Variants in GRID1 observed in about 807,000 individuals in gnomAD.
GRID1 encodes the protein glutamate ionotropic receptor delta type subunit 1.
GRID1 carries 28 observed loss-of-function variants against 98.0 expected under a neutral mutation model. That is an observed-to-expected ratio of 0.29 (90% CI 0.21 to 0.39). The LOEUF (loss-of-function observed/expected upper bound fraction) is 0.39, where lower values mean the gene tolerates loss of function less well. GRID1 is among the 10% of genes least tolerant of loss of function. The probability of loss-of-function intolerance (pLI) is 1.00; values close to 1 mark genes in which losing one functional copy is unlikely to be tolerated. For synonymous variants in GRID1, 553 were observed against 538.5 expected (o/e 1.03, Z -0.37); for missense variants, 1,111 against 1,340.5 (o/e 0.83, Z 2.67).
intron 14 of GRID1, among the ~76,000 whole-genome samples, chr10:85,614,711 G>C (rs1018102548): frequency 6.6e-6 from 1 of 152,168 alleles, no homozygotes; most frequent in African/African-American, 2.4e-5. Flanking sequence ...TGAGGACAGG[G>C]AAGAAGGCAG....
At chr10:86,042,170 T>C (rs1843356080) in intron 4 of GRID1, among the ~76,000 whole-genome samples, 1 of 152,200 alleles carries the variant, frequency 6.6e-6, no homozygotes, top group Non-Finnish European at 1.5e-5. Context: ...AAGAAGTTCA[T>C]CCAGTCCTTA....
At chr10:85,990,573 A>T (rs549454764) in intron 4 of GRID1, among the ~76,000 whole-genome samples, 113 of 152,370 alleles carry the variant, frequency 7.4e-4, no homozygotes, top group Non-Finnish European at 1.3e-3. Context: ...GGAAGCAGCC[A>T]AAACCTTTCC....
At chr10:85,922,383 C>T (rs896381236) in intron 4 of GRID1, among the ~76,000 whole-genome samples, 10 of 152,244 alleles carry the variant, frequency 6.6e-5, no homozygotes, top group African/African-American at 2.4e-4. Flanking sequence ...GCCTTCCAAA[C>T]ACATCCCTGA....
chr10:85,770,501 A>G (rs1471875424), intron 8 of GRID1, among the ~76,000 whole-genome samples: 1 of 152,352 alleles, frequency 6.6e-6, no homozygotes, highest in Non-Finnish European at 1.5e-5. Flanking sequence ...TTGAGAGAAG[A>G]AGGCTTCAGA....
At chr10:85,700,529 G>A in intron 12 of GRID1, among the ~76,000 whole-genome samples, 1 of 152,200 alleles carries the variant, frequency 6.6e-6, no homozygotes, top group Non-Finnish European at 1.5e-5. Flanking sequence ...TGGGTTTAAT[G>A]ATGCATTTCC....
At chr10:85,972,117 G>T (rs1842415431) in intron 4 of GRID1, among the ~76,000 whole-genome samples, 1 of 151,586 alleles carries the variant, frequency 6.6e-6, no homozygotes, top group African/African-American at 2.4e-5. Context: ...ATCTCATGTT[G>T]TGTCTCAGAA....
intron 13 of GRID1, among the ~76,000 whole-genome samples, chr10:85,639,810 T>A (rs1362572363): frequency 6.6e-6 from 1 of 152,114 alleles, no homozygotes; most frequent in Non-Finnish European, 1.5e-5. Context: ...GAGGCGGAGG[T>A]TGCGGTGAGC....
At chr10:86,024,551 A>C (rs1291681861) in intron 4 of GRID1, among the ~76,000 whole-genome samples, 5 of 152,196 alleles carry the variant, frequency 3.3e-5, no homozygotes, top group Non-Finnish European at 1.5e-5. Flanking sequence ...CACTGCGAGG[A>C]GCCTCACCAT....
chr10:85,823,651 A>G (rs1842792997), intron 8 of GRID1, among the ~76,000 whole-genome samples: 1 of 152,038 alleles, frequency 6.6e-6, no homozygotes, highest in Non-Finnish European at 1.5e-5. Context: ...TTCTGTGAAT[A>G]TCAAGCTTGA....
At chr10:86,248,387 G>C (rs202106550) in intron 2 of GRID1, among the ~76,000 whole-genome samples, 1 of 152,130 alleles carries the variant, frequency 6.6e-6, no homozygotes, top group East Asian at 1.9e-4. Context: ...AGGGCGGAGG[G>C]ATTGCAACCT....
rs1848291577 is a variant in GRID1, at chr10:86,340,263, C to T, written c.235+23678G>A. 2.0e-5 allele frequency among the ~76,000 whole-genome samples: 3 copies of T among 152,260 alleles called. No individual in the cohort carries two copies. The South Asian group carries it at 6.2e-4, about 32-fold the overall frequency. On this transcript the variant is annotated intron_variant, in intron 2 of 15. Coordinates refer to ENST00000327946, the MANE Select transcript of GRID1 (RefSeq NM_017551.3). ...AGGAGAGATGCATAGCAAGCAAAGCCCCGAACCACCAAAAAGTCAGTCAGC... is the reference window on the plus strand; with the variant it reads ...AGGAGAGATGCATAGCAAGCAAAGCTCCGAACCACCAAAAAGTCAGTCAGC...
chr10:85,998,740 T>C (rs1312178357), intron 4 of GRID1, among the ~76,000 whole-genome samples: 3 of 152,110 alleles, frequency 2.0e-5, no homozygotes, highest in African/African-American at 7.2e-5. Context: ...TTGATAAAGC[T>C]CTAGCAAACC....
At chr10:86,184,461 C>CTTTTTTTTTTTTTTTTTT (rs1198471392) in intron 3 of GRID1, among the ~76,000 whole-genome samples, 1 of 123,040 alleles carries the variant, frequency 8.1e-6, no homozygotes, top group Non-Finnish European at 1.7e-5. Context: ...TTTCTTTTTT[C>CTTTTTTTTTTTTTTTTTT]TTTTTTTTTT....
intron 8 of GRID1, among the ~76,000 whole-genome samples, chr10:85,783,419 C>T (rs994788886): frequency 1.3e-5 from 2 of 152,182 alleles, no homozygotes; most frequent in Admixed American, 6.5e-5. Context: ...GACCTCTCAT[C>T]CTTCATGTAA....
At chr10:86,258,278 A>G (rs1846957442) in intron 2 of GRID1, among the ~76,000 whole-genome samples, 1 of 152,270 alleles carries the variant, frequency 6.6e-6, no homozygotes, top group Non-Finnish European at 1.5e-5. Flanking sequence ...ATATAATTCA[A>G]AACAAAATTA....
At chr10:86,017,566 C>T (rs1248991155) in intron 4 of GRID1, among the ~76,000 whole-genome samples, 1 of 152,210 alleles carries the variant, frequency 6.6e-6, no homozygotes, top group East Asian at 1.9e-4. Context: ...GCAGGCACAA[C>T]TGGGTCATGG....
chr10:85,669,129 T>C (rs1841056407), intron 12 of GRID1, among the ~76,000 whole-genome samples: 1 of 152,348 alleles, frequency 6.6e-6, no homozygotes, highest in African/African-American at 2.4e-5. Flanking sequence ...CAGGCCTGAC[T>C]TGTCTTCCAT....
At chr10:85,714,528 T>C (rs1841617068) in intron 12 of GRID1, among the ~76,000 whole-genome samples, 1 of 152,008 alleles carries the variant, frequency 6.6e-6, no homozygotes, top group Non-Finnish European at 1.5e-5. Flanking sequence ...ATGCAGGAAC[T>C]AATAATAGTG....
chr10:85,604,210 C>T (rs573091259), intron 15 of GRID1, among the ~76,000 whole-genome samples: 33 of 152,264 alleles, frequency 2.2e-4, no homozygotes, highest in Admixed American at 1.3e-3. Flanking sequence ...CTGCTCTCTC[C>T]GCACCTTTAT....
Sources: allele counts gnomAD v4.1 joint callset (sites outside exome capture counted in the v4.1 genomes callset), GRCh38; gene constraint gnomAD v4.1.1; transcripts MANE v1.5; gene names NCBI Gene and HGNC (gene_info 2026-07-23, HGNC 2026-07-21).